The following VLDLR variants were observed in gnomAD, a reference collection of about 807,000 sequenced individuals.
VLDLR encodes the protein very low-density lipoprotein receptor.
VLDLR carries 81 observed loss-of-function variants against 112.7 expected under a neutral mutation model. The ratio of observed to expected loss-of-function variants is 0.72; its 90% CI spans 0.60 to 0.86. VLDLR has a LOEUF of 0.86. VLDLR is among the 40% of genes least tolerant of loss of function. The pLI, the probability that VLDLR is intolerant of heterozygous loss-of-function variation, is 0.00. For synonymous variants in VLDLR, 436 were observed against 384.8 expected, an observed-to-expected ratio of 1.13 and a Z score of -1.56; for missense variants, 1,237 against 1,099.4, an observed-to-expected ratio of 1.13 and a Z score of -1.77.
At position 2,650,528 on chromosome 9, in the gene VLDLR, T is replaced by G. The variant is rs1563766403; in HGVS notation, c.2251+12T>G. On this transcript the variant is annotated intron_variant, in intron 15 of 18. Transcript: ENST00000382100. ...CCGAGACTGTCAAAGTAAGGCATTTTGTGTTTCAACCACAAGTAGAACCTA... is the reference window on the plus strand; with the variant it reads ...CCGAGACTGTCAAAGTAAGGCATTTGGTGTTTCAACCACAAGTAGAACCTA... The G allele has an allele frequency of 6.2e-7, 1 of 1,612,938 alleles. No individual in the cohort carries two copies. The highest frequency in any genetic ancestry group is 8.5e-7 in the Non-Finnish European group (1 of 1,179,942).
At position 2,650,525 on chromosome 9, in the gene VLDLR, T is replaced by C; in HGVS notation, c.2251+9T>C. 6.2e-7 allele frequency: 1 copy of C among 1,613,004 alleles called. No individual in the cohort carries two copies. The highest frequency in any genetic ancestry group is 8.5e-7 in the Non-Finnish European group (1 of 1,179,938). ...TGGCCGAGACTGTCAAAGTAAGGCA[T>C]TTTGTGTTTCAACCACAAGTAGAAC... On this transcript the variant is annotated intron_variant, in intron 15 of 18. Transcript: ENST00000382100.
intron 2 of VLDLR, among the ~76,000 whole-genome samples, chr9:2,638,069 A>AC (rs34396441): frequency 6.6e-6 from 1 of 152,208 alleles, no homozygotes; most frequent in African/African-American, 2.4e-5. Context: ...ATAGCAACTA[A>AC]CCCTGCAGAC....
At chr9:2,636,434 T>C (rs556272117) in intron 2 of VLDLR, among the ~76,000 whole-genome samples, 1 of 152,348 alleles carries the variant, frequency 6.6e-6, no homozygotes, top group East Asian at 1.9e-4. Flanking sequence ...GTAGGTTTCA[T>C]CAACTGCCAT....
In VLDLR at chr9:2,643,906, G is replaced by T; in HGVS notation, c.1013G>T (p.Cys338Phe). The part of the protein sequence containing the change: ...SGECIDISKV[C>F]NQEQDCRDWS... ...GAATGCATAGATATCAGCAAAGTAT[G>T]TAACCAGGAGCAGGACTGCAGGGAC... The change falls in exon 7 of 19, where the codon TGT becomes TTT. Residue 338 changes from cysteine to phenylalanine, a missense_variant. Physicochemically the swap from Cys to Phe is radical, Grantham distance 205 (BLOSUM62 -2). Transcript: ENST00000382100. The T allele has an allele frequency of 6.2e-7, 1 of 1,614,154 alleles. No homozygotes were observed. Among genetic ancestry groups the T allele is most frequent in the Non-Finnish European group, 8.5e-7 (1 of 1,180,028 alleles).
Position 2,641,366 on chromosome 9 carries a change from A to G in VLDLR, c.326-11A>G. The G allele has an allele frequency of 6.2e-7, 1 of 1,614,062 alleles. No individual in the cohort carries two copies. Among genetic ancestry groups the G allele is most frequent in the Non-Finnish European group, 8.5e-7 (1 of 1,179,926 alleles). The stretch of plus-strand genomic sequence containing the variant: ...TTCTGAGGCTCTTTTGAGACTGTAT[A>G]TCATCAACAGATATGAGAACATGCC... On this transcript the variant is annotated splice_polypyrimidine_tract_variant and intron_variant, in intron 3 of 18. Coordinates refer to ENST00000382100, the MANE Select transcript of VLDLR (RefSeq NM_003383.5).
intron 1 of VLDLR, among the ~76,000 whole-genome samples, chr9:2,626,313 A>G (rs1545568): frequency 0.67 from 101,896 of 152,142 alleles, 34,594 homozygotes; most frequent in African/African-American, 0.74. Flanking sequence ...TAATGATTTT[A>G]TACAAGAAAC....
intron 14 of VLDLR, 93 bp from the exon 15 acceptor site, chr9:2,650,277 G>A (rs1390182404): frequency 4.6e-6 from 7 of 1,534,722 alleles, no homozygotes; most frequent in African/African-American, 4.1e-5. Context: ...AGCTCTTGGG[G>A]GCAAGGACTC....
At position 2,656,853 on chromosome 9, in the gene VLDLR, C is replaced by T. The variant is rs1442284984; in HGVS notation, c.*2985C>T. 6.7e-6 allele frequency: 1 copy of T among 149,722 alleles called. No homozygotes were observed. Among genetic ancestry groups the T allele is most frequent in the Non-Finnish European group, 1.5e-5 (1 of 67,828 alleles). 9.3% of individuals were successfully genotyped at this position (149,722 alleles called of 1,614,324 possible). ...AATCTATTTGGCAAAAAAATAGTCC[C>T]AGTTGTTCAACTAGCTCCCTTAAAA... On this transcript the variant is annotated 3_prime_UTR_variant, in exon 19 of 19. Coordinates refer to ENST00000382100, the MANE Select transcript of VLDLR (RefSeq NM_003383.5).
At position 2,647,688 on chromosome 9, in the gene VLDLR, C is replaced by T. The variant is rs1586655732; in HGVS notation, c.1822+96C>T. 16 of 1,069,918 alleles carry T rather than the reference C, an allele frequency of 1.5e-5. No homozygotes were observed. The East Asian group carries it at 3.5e-4, about 24-fold the overall frequency. 66.3% of individuals were successfully genotyped at this position (1,069,918 alleles called of 1,614,324 possible). On this transcript the variant is annotated intron_variant, in intron 12 of 18. Coordinates refer to ENST00000382100, the MANE Select transcript of VLDLR (RefSeq NM_003383.5). Reference sequence around the variant, plus strand: ...AATTCTGGACTAGCAGATGACTCTACTGCTTCCGCCTAAATTCTAGCAGGA... The same window carrying T: ...AATTCTGGACTAGCAGATGACTCTATTGCTTCCGCCTAAATTCTAGCAGGA...
chr9:2,652,203 T>C (rs1818382289), intron 17 of VLDLR, among the ~76,000 whole-genome samples: 1 of 152,226 alleles, frequency 6.6e-6, no homozygotes. Context: ...ACTTCCGCAC[T>C]GTTAACCTGG....
Position 2,656,590 on chromosome 9 carries a change from T to C in VLDLR, c.*2722T>C, listed in dbSNP as rs1002332787. 2.0e-5 allele frequency: 3 copies of C among 152,172 alleles called. No homozygotes were observed. Among genetic ancestry groups the C allele is most frequent in the Non-Finnish European group, 4.4e-5 (3 of 68,044 alleles). The allele number at this position is 152,172 out of a possible 1,614,324, so 9.4% of individuals were successfully genotyped here. A position where few individuals can be genotyped will look rare whatever the true frequency, so the allele number is the denominator to read the frequency against. Reference sequence around the variant, plus strand: ...GTGAAATGTGTTAGGATAAGTTTGCTCTGTCTCTAGAGTTCAATGTAGAAG... The same window carrying C: ...GTGAAATGTGTTAGGATAAGTTTGCCCTGTCTCTAGAGTTCAATGTAGAAG... On this transcript the variant is annotated 3_prime_UTR_variant, in exon 19 of 19. Coordinates refer to ENST00000382100, the MANE Select transcript of VLDLR (RefSeq NM_003383.5).
At chr9:2,643,553 C>A in intron 5 of VLDLR, 22 bp downstream of exon 5, 1 of 1,614,208 alleles carries the variant, frequency 6.2e-7, no homozygotes, top group Non-Finnish European at 8.5e-7. Flanking sequence ...TCTAGCATGG[C>A]ATGTTCAGTT....
In VLDLR at chr9:2,643,639, T is replaced by G. The variant is rs969138414; in HGVS notation, c.832T>G (p.Cys278Gly). The G allele has an allele frequency of 1.3e-5, 21 of 1,614,096 alleles. No individual in the cohort carries two copies. Among genetic ancestry groups the G allele is most frequent in the Non-Finnish European group, 1.7e-5 (20 of 1,180,052 alleles). ...SDEVNCPSRT[C>G]RPDQFECEDG... ...TCCTCCCTTTGTAGCCTCTCGAACT[T>G]GCCGACCTGACCAATTTGAATGTGA... Residue 278 changes from cysteine (C) to glycine (G), a missense_variant, in exon 6 of 19, where the codon TGC becomes GGC. Transcript: ENST00000382100.
Position 2,641,468 on chromosome 9 carries a change from T to C in VLDLR, c.417T>C (p.Asp139=), listed in dbSNP as rs755756952. ...CCTGGAGATGTGATGGTGAAAATGA[T>C]TGTGACAGTGGAGAAGATGAAGAAA... ...PVSWRCDGEN[D]CDSGEDEENC... is the part of the protein sequence containing the mutation. Residue 139 remains aspartate (D), a synonymous_variant, in exon 4 of 19, where the codon GAT becomes GAC. Transcript: ENST00000382100. 6 of 1,614,164 alleles carry C rather than the reference T, an allele frequency of 3.7e-6. No homozygotes were observed. The highest frequency in any genetic ancestry group is 3.3e-4 in the Middle Eastern group (2 of 6,062).
In VLDLR at chr9:2,659,106, TA is replaced by T. The variant is rs1818710726; in HGVS notation, c.*5239del. On this transcript the variant is annotated 3_prime_UTR_variant, in exon 19 of 19. Coordinates refer to ENST00000382100, the MANE Select transcript of VLDLR (RefSeq NM_003383.5). Reference sequence around the variant, plus strand: ...CTCCTTTAAATTCTTACCATATGCTTACTTTTGTACTAAGTAAGTGCTCCCA... The same window carrying T: ...CTCCTTTAAATTCTTACCATATGCTTCTTTTGTACTAAGTAAGTGCTCCCA... 1 of 152,228 alleles carries T rather than the reference TA, an allele frequency of 6.6e-6. No homozygotes were observed. Among genetic ancestry groups the T allele is most frequent in the Admixed American group, 6.5e-5 (1 of 15,280 alleles). 9.4% of individuals were successfully genotyped at this position (152,228 alleles called of 1,614,324 possible).
intron 2 of VLDLR, among the ~76,000 whole-genome samples, chr9:2,638,521 C>T (rs560184316): frequency 9.5e-4 from 144 of 151,292 alleles, no homozygotes; most frequent in African/African-American, 3.5e-3. Flanking sequence ...AGCATATAGG[C>T]AAGAAAGAAT....
At chr9:2,645,972 A>G (rs890781242) in intron 10 of VLDLR, among the ~76,000 whole-genome samples, 4 of 151,998 alleles carry the variant, frequency 2.6e-5, no homozygotes, top group Admixed American at 1.3e-4. Flanking sequence ...TATTTTTTAT[A>G]TTTTCTCCCT....
At chr9:2,635,364 CCTT>C in intron 1 of VLDLR, 86 bp from the exon 2 acceptor site, 7 of 1,599,738 alleles carry the variant, frequency 4.4e-6, no homozygotes, top group Non-Finnish European at 4.3e-6. Flanking sequence ...TCTGCAGTAT[CCTT>C]CTGAGAAGGT....
At chr9:2,643,574 T>C in intron 5 of VLDLR, 43 bp downstream of exon 5, 1 of 1,614,216 alleles carries the variant, frequency 6.2e-7, no homozygotes, top group Non-Finnish European at 8.5e-7. Flanking sequence ...CTCTTCCCTG[T>C]ATCAACTGGG....
Sources: allele counts gnomAD v4.1 joint callset (sites outside exome capture counted in the v4.1 genomes callset), GRCh38; gene constraint gnomAD v4.1.1; transcripts MANE v1.5; gene names NCBI Gene and HGNC (gene_info 2026-07-23, HGNC 2026-07-21).